The following HERC1 variants were observed in gnomAD, a reference collection of about 807,000 sequenced individuals.
HERC1 encodes probable E3 ubiquitin-protein ligase HERC1.
In HERC1, 160 loss-of-function variants were observed where a neutral mutation model predicts 554.3. That is an observed-to-expected ratio of 0.29 (90% CI 0.25 to 0.33). The LOEUF (loss-of-function observed/expected upper bound fraction) is 0.33. Ranked by LOEUF, HERC1 falls within the 10% of genes least tolerant of loss-of-function variation. The pLI is 1.00. For synonymous variants in HERC1, 2,175 were observed against 2,131.7 expected (o/e 1.02, Z -0.56); for missense variants, 4,919 against 5,918.5 (o/e 0.83, Z 5.54).
chr15:63,615,943 T>C, intron 75 of HERC1, 23 bp from the exon 76 acceptor site: 8 of 1,555,222 alleles, frequency 5.1e-6, no homozygotes, highest in Non-Finnish European at 6.9e-6. Context: ...GAAAACAGAA[T>C]TTTTATTACA....
At chr15:63,771,978 T>G (rs528147245) in intron 2 of HERC1, among the ~76,000 whole-genome samples, 5 of 152,100 alleles carry the variant, frequency 3.3e-5, no homozygotes, top group Admixed American at 1.3e-4. Flanking sequence ...CAAAATTAGC[T>G]GGGCATGGTG....
At chr15:63,805,578 T>C (rs1471044953) in intron 1 of HERC1, among the ~76,000 whole-genome samples, 1 of 152,198 alleles carries the variant, frequency 6.6e-6, no homozygotes, top group East Asian at 1.9e-4. Flanking sequence ...CATAACTGTA[T>C]TAACATTTAT....
chr15:63,753,103 T>C lies in HERC1; in HGVS notation c.1775-18A>G. 6.4e-7 allele frequency: 1 copy of C among 1,552,032 alleles called. No individual in the cohort carries two copies. The highest frequency in any genetic ancestry group is 8.7e-7 in the Non-Finnish European group (1 of 1,145,240). ...AAGTTTACCTATAAAAACAAACACA[T>C]TAAACAATTTACTTGTTTTAAAGAA... On this transcript the variant is annotated intron_variant, in intron 7 of 77. Transcript: ENST00000443617.
chr15:63,725,872 C>T (rs1049119819), intron 17 of HERC1, among the ~76,000 whole-genome samples: 4 of 151,662 alleles, frequency 2.6e-5, no homozygotes, highest in Non-Finnish European at 5.9e-5. Context: ...AATCAACACA[C>T]AAATTTATCC....
At position 63,725,217 on chromosome 15, in the gene HERC1, C is replaced by T. The variant is rs188878690; in HGVS notation, c.3568+75G>A. ...TGGTGCCTGTCAGTTCTCTATTTAGCAAATCAGAATAGAGAAATCTCCAAC... is the reference window on the plus strand; with the variant it reads ...TGGTGCCTGTCAGTTCTCTATTTAGTAAATCAGAATAGAGAAATCTCCAAC... On this transcript the variant is annotated intron_variant, in intron 18 of 77. Coordinates refer to ENST00000443617, the MANE Select transcript of HERC1 (RefSeq NM_003922.4). 8.0e-4 allele frequency: 1,035 copies of T among 1,295,510 alleles called. 13 individuals are homozygous for T. In the South Asian group the frequency reaches 0.01, roughly 13 times the overall value. The allele number at this position is 1,295,510 out of a possible 1,614,324, so 80.3% of individuals were successfully genotyped here.
intron 1 of HERC1, among the ~76,000 whole-genome samples, chr15:63,830,298 A>G (rs572183705): frequency 3.2e-4 from 48 of 152,358 alleles, no homozygotes; most frequent in African/African-American, 1.1e-3. Context: ...TGAGAAGGAC[A>G]CAACATCGCT....
chr15:63,765,417 T>C (rs1321478870), intron 2 of HERC1, among the ~76,000 whole-genome samples: 3 of 152,110 alleles, frequency 2.0e-5, no homozygotes, highest in African/African-American at 7.2e-5. Flanking sequence ...AAATTTAACC[T>C]GAAGAACTGA....
In HERC1 at chr15:63,677,917, G is replaced by A. The variant is rs755359353; in HGVS notation, c.6998C>T (p.Thr2333Met). 2.5e-5 allele frequency: 41 copies of A among 1,614,000 alleles called. No homozygotes were observed. The Middle Eastern group carries it at 1.3e-3, about 52-fold the overall frequency. ...GCCCTCTTTGACCACTCCCAGCAGC[G>A]TGGCATGGCGCCCAGTTTGCTTGTG... ...CVHKQTGRHATLLGVVKEGST... is the reference protein window; with the variant it reads ...CVHKQTGRHAMLLGVVKEGST... The change falls in exon 37 of 78, where the codon ACG becomes ATG. Residue 2333 changes from threonine to methionine, a missense_variant. Coordinates refer to ENST00000443617, the MANE Select transcript of HERC1 (RefSeq NM_003922.4). The surrounding 1 kb of genome is among the most constrained non-coding windows in gnomAD (Gnocchi z 4.4).
chr15:63,683,148 A>G (rs1463070595), intron 34 of HERC1, among the ~76,000 whole-genome samples: 1 of 151,680 alleles, frequency 6.6e-6, no homozygotes, highest in Non-Finnish European at 1.5e-5. Flanking sequence ...AAAAAAAAAA[A>G]AAAAAAGAAA....
At chr15:63,661,112 G>GGTCA in intron 45 of HERC1, 87 bp from the exon 46 acceptor site, 1 of 944,242 alleles carries the variant, frequency 1.1e-6, no homozygotes, top group Non-Finnish European at 1.7e-6. Context: ...CATTTTAAGA[G>GGTCA]GTCATTAATA....
chr15:63,691,862 T>C (rs2072133657), intron 31 of HERC1, among the ~76,000 whole-genome samples: 1 of 152,238 alleles, frequency 6.6e-6, no homozygotes, highest in African/African-American at 2.4e-5. Flanking sequence ...ATGATTAAAA[T>C]GGCAAATTTC....
chr15:63,615,861 G>A lies in HERC1; in HGVS notation c.14001C>T (p.Ile4667=), dbSNP rs760023312. The change falls in exon 76 of 78, where the codon ATC becomes ATT. Residue 4667 remains isoleucine, a synonymous_variant. Transcript: ENST00000443617. ...TGAGTGGGATACTATTTCCACCAGG[G>A]ATTATAGGAACCATTTTGCCATCAG... ...QSADGKMVPI[I]PGGNSIPLTF... 31 of 1,606,966 alleles carry A rather than the reference G, an allele frequency of 1.9e-5. No homozygotes were observed. The South Asian group carries it at 3.1e-4, about 16-fold the overall frequency.
intron 10 of HERC1, among the ~76,000 whole-genome samples, chr15:63,748,344 G>A (rs2075130599): frequency 6.6e-6 from 1 of 152,066 alleles, no homozygotes; most frequent in Admixed American, 6.6e-5. Context: ...GGAAAACCAA[G>A]AATTTGCCAT....
At chr15:63,700,488 T>C (rs956441265) in intron 25 of HERC1, among the ~76,000 whole-genome samples, 4 of 152,032 alleles carry the variant, frequency 2.6e-5, no homozygotes, top group Admixed American at 1.3e-4. Context: ...ATTACTATAC[T>C]GGTGTCAATT....
chr15:63,668,881 A>G (rs371592802), intron 40 of HERC1, among the ~76,000 whole-genome samples: 3 of 152,334 alleles, frequency 2.0e-5, no homozygotes, highest in African/African-American at 4.8e-5. Context: ...AAAAACCAGA[A>G]AGGATAAAGA....
intron 1 of HERC1, among the ~76,000 whole-genome samples, chr15:63,818,177 T>A (rs557710491): frequency 6.6e-6 from 1 of 152,126 alleles, no homozygotes; most frequent in Non-Finnish European, 1.5e-5. Context: ...ATTTTTAAAT[T>A]TTTTTTATTA....
At chr15:63,651,478 G>C in intron 52 of HERC1, 98 bp from the exon 53 acceptor site, 1 of 1,097,810 alleles carries the variant, frequency 9.1e-7, no homozygotes, top group Non-Finnish European at 1.3e-6. Flanking sequence ...AGACTAGAGT[G>C]TATAACTGAT....
chr15:63,753,137 C>G, intron 7 of HERC1, 52 bp from the exon 8 acceptor site: 1 of 1,358,748 alleles, frequency 7.4e-7, no homozygotes, highest in Non-Finnish European at 9.9e-7. Flanking sequence ...AACCTCTACT[C>G]TTTTTAACAC....
At chr15:63,631,836 C>T (rs1272127469) in intron 68 of HERC1, among the ~76,000 whole-genome samples, 3 of 152,306 alleles carry the variant, frequency 2.0e-5, no homozygotes, top group South Asian at 2.1e-4. Context: ...CCACGGCGCC[C>T]GGCCCTCCCA....
Sources: gnomAD v4.1 joint callset for allele counts (sites outside exome capture counted in the v4.1 genomes callset) on GRCh38, gnomAD v4.1.1 for gene constraint, Gnocchi (gnomAD v3.1) non-coding constraint, MANE v1.5 for transcripts, NCBI Gene and HGNC (gene_info 2026-07-23, HGNC 2026-07-21) for gene names.